The following CACNA1B variants were observed in gnomAD, a reference collection of about 807,000 sequenced individuals.
CACNA1B encodes voltage-dependent N-type calcium channel subunit alpha-1B.
In CACNA1B, 70 loss-of-function variants were observed where a neutral mutation model predicts 247.2. The ratio of observed to expected loss-of-function variants is 0.28; its 90% CI spans 0.23 to 0.35. CACNA1B has a LOEUF of 0.35. Ranked by LOEUF, CACNA1B falls within the 10% of genes least tolerant of loss-of-function variation. The pLI, the probability that CACNA1B is intolerant of heterozygous loss-of-function variation, is 1.00. For synonymous variants in CACNA1B, 1,231 were observed against 1,294.4 expected, an observed-to-expected ratio of 0.95 and a Z score of 1.05; for missense variants, 2,367 against 3,197.4, an observed-to-expected ratio of 0.74 and a Z score of 6.26.
chr9:137,885,097 G>A lies in CACNA1B; in HGVS notation c.530+2214G>A, dbSNP rs146411797. Among the ~76,000 whole-genome samples the A allele has an allele frequency of 3.1e-3, 466 of 148,236 alleles. 3 individuals are homozygous for A. Among genetic ancestry groups the A allele is most frequent in the African/African-American group, 0.011 (445 of 40,110 alleles). ...CCCCTCTTTCCCTTGGCTTGGGCAC[G>A]TCTCTGCTCGCCTGTGTCTGCAGCA... On this transcript the variant is annotated intron_variant, in intron 3 of 46. Coordinates refer to ENST00000371372, the MANE Select transcript of CACNA1B (RefSeq NM_000718.4).
chr9:137,952,206 G>A lies in CACNA1B; in HGVS notation c.967-68G>A. On this transcript the variant is annotated intron_variant, in intron 6 of 46. Transcript: ENST00000371372. The surrounding 1 kb of genome is among the most constrained non-coding windows in gnomAD (Gnocchi z 4.8). The stretch of plus-strand genomic sequence containing the variant: ...TGAGAAGGAGGCCTGTTGGGGGCTG[G>A]GGGTGCTCCTGTGGCCGGGACTGTG... 4.0e-6 allele frequency: 5 copies of A among 1,260,420 alleles called. No individual in the cohort carries two copies. The highest frequency in any genetic ancestry group is 5.8e-6 in the Non-Finnish European group (5 of 862,048). 78.1% of individuals were successfully genotyped at this position (1,260,420 alleles called of 1,614,324 possible). A position where few individuals can be genotyped will look rare whatever the true frequency, so the allele number is the denominator to read the frequency against.
In CACNA1B at chr9:138,099,547, TTGTG is replaced by T. The variant is rs545249353; in HGVS notation, c.5222+2943_5222+2946del. On this transcript the variant is annotated intron_variant, in intron 37 of 46. Transcript: ENST00000371372. The stretch of plus-strand genomic sequence containing the variant: ...CACGTGCCTGTGTGTGCATGTGCCT[TTGTG>T]TGTGTGCCACCGTGGTGCGTATGTG... 1.4e-4 allele frequency among the ~76,000 whole-genome samples: 21 copies of T among 148,754 alleles called. No homozygotes were observed. In the East Asian group the frequency reaches 3.4e-3, roughly 24 times the overall value.
At position 138,023,604 on chromosome 9, in the gene CACNA1B, GGC is replaced by G. The variant is rs1167399054; in HGVS notation, c.2869_2870del (p.Arg957AlafsTer50). 1 of 1,116,720 alleles carries G rather than the reference GGC, an allele frequency of 9.0e-7. No homozygotes were observed. The highest frequency in any genetic ancestry group is 1.1e-6 in the Non-Finnish European group (1 of 912,412). 69.2% of individuals were successfully genotyped at this position (1,116,720 alleles called of 1,614,324 possible). On this transcript the variant is annotated frameshift_variant, in exon 19 of 47. Transcript: ENST00000371372. LOFTEE classifies it high-confidence loss of function. ...GAGTGCGCCGGCGCCAAGGGCGAGC[GGC>G]GCGCGCGGCACCGCGGCGGCCCCCG...
At chr9:138,090,396 A>C (rs1960835925) in intron 36 of CACNA1B, among the ~76,000 whole-genome samples, 1 of 152,138 alleles carries the variant, frequency 6.6e-6, no homozygotes, top group South Asian at 2.1e-4. Flanking sequence ...TATTTACAAA[A>C]GCCAACTCAA....
At chr9:138,077,567 G>A (rs978954720) in intron 35 of CACNA1B, among the ~76,000 whole-genome samples, 4 of 152,236 alleles carry the variant, frequency 2.6e-5, no homozygotes, top group African/African-American at 9.6e-5. Context: ...TAGTGGACCT[G>A]CTTCCTGCCG....
intron 21 of CACNA1B, among the ~76,000 whole-genome samples, chr9:138,044,155 G>A (rs541194271): frequency 1.3e-5 from 2 of 152,366 alleles, no homozygotes; most frequent in South Asian, 4.1e-4. Context: ...TGGTGTGCGT[G>A]TGTCTCTGCA....
intron 3 of CACNA1B, among the ~76,000 whole-genome samples, chr9:137,909,319 A>G (rs1957334887): frequency 6.6e-6 from 1 of 152,012 alleles, no homozygotes; most frequent in Non-Finnish European, 1.5e-5. Flanking sequence ...TATTGCCCCA[A>G]ACAGAAACTT....
At chr9:137,892,144 G>C in intron 3 of CACNA1B, 1 of 456,956 alleles carries the variant, frequency 2.2e-6, no homozygotes, top group Non-Finnish European at 4.4e-6. Context: ...AGCCTCTACT[G>C]ACAGGCTCAT....
In CACNA1B at chr9:137,906,440, G is replaced by A. The variant is rs1001639425; in HGVS notation, c.531-6740G>A. 2.0e-5 allele frequency among the ~76,000 whole-genome samples: 3 copies of A among 152,324 alleles called. No homozygotes were observed. The South Asian group carries it at 6.2e-4, about 32-fold the overall frequency. Reference sequence around the variant, plus strand: ...GAGCTGTTCACTGTCTGGGTCATCTGTGTTTCCAGTCTCGGTCTTGCTGAC... The same window carrying A: ...GAGCTGTTCACTGTCTGGGTCATCTATGTTTCCAGTCTCGGTCTTGCTGAC... On this transcript the variant is annotated intron_variant, in intron 3 of 46. Coordinates refer to ENST00000371372, the MANE Select transcript of CACNA1B (RefSeq NM_000718.4).
chr9:138,088,959 C>CAAAAAAAAAAAAAAAAAAAAAAAAAA (rs56112600), intron 36 of CACNA1B, among the ~76,000 whole-genome samples: 1 of 61,396 alleles, frequency 1.6e-5, no homozygotes, highest in Non-Finnish European at 3.4e-5. Context: ...AACTCCGTCT[C>CAAAAAAAAAAAAAAAAAAAAAAAAAA]AAAAAAAAAA....
At chr9:138,077,132 G>GC (rs1271073054) in intron 35 of CACNA1B, among the ~76,000 whole-genome samples, 2 of 152,164 alleles carry the variant, frequency 1.3e-5, no homozygotes, top group Non-Finnish European at 2.9e-5. Flanking sequence ...TATCAGTCAG[G>GC]CCCAGCACAG....
chr9:138,002,962 A>C (rs1449233034), intron 15 of CACNA1B, among the ~76,000 whole-genome samples: 3 of 151,658 alleles, frequency 2.0e-5, no homozygotes, highest in Non-Finnish European at 4.4e-5. Context: ...CACCATGCCC[A>C]GCTAATTTTT....
rs371615767 is a variant in CACNA1B at position 138,065,071 on chromosome 9, C to A, written c.4669-4687C>A. Among the ~76,000 whole-genome samples the A allele has an allele frequency of 1.2e-4, 19 of 152,342 alleles. No individual in the cohort carries two copies. The South Asian group carries it at 3.9e-3, about 32-fold the overall frequency. Reference sequence around the variant, plus strand: ...AATGTGGGCTATGAGGTTTTCCAAGCTCCTGGGAGTCATCCCAGCAGCCTG... The same window carrying A: ...AATGTGGGCTATGAGGTTTTCCAAGATCCTGGGAGTCATCCCAGCAGCCTG... On this transcript the variant is annotated intron_variant, in intron 31 of 46. Coordinates refer to ENST00000371372, the MANE Select transcript of CACNA1B (RefSeq NM_000718.4).
chr9:137,956,897 C>G, intron 9 of CACNA1B, 70 bp downstream of exon 9: 1 of 1,289,268 alleles, frequency 7.8e-7, no homozygotes, highest in Non-Finnish European at 1.1e-6. Flanking sequence ...TGACACGTGC[C>G]TGCTTGCATG....
In CACNA1B at chr9:138,087,421, A is replaced by G. The variant is rs139911742; in HGVS notation, c.5095-9063A>G. The stretch of plus-strand genomic sequence containing the variant: ...AAAAAAAAGAAAAAGAAAAAAAAGA[A>G]AAGAGAAAAAGAAGCCTGGGCACAG... On this transcript the variant is annotated intron_variant, in intron 36 of 46. Coordinates refer to ENST00000371372, the MANE Select transcript of CACNA1B (RefSeq NM_000718.4). Among the ~76,000 whole-genome samples the G allele has an allele frequency of 7.2e-3, 1,048 of 145,790 alleles. 48 individuals carry two copies. The highest frequency in any genetic ancestry group is 0.026 in the African/African-American group (994 of 38,918).
At chr9:138,047,355 G>C (rs201420647) in intron 22 of CACNA1B, 44 bp from the exon 23 acceptor site, 4 of 1,496,274 alleles carry the variant, frequency 2.7e-6, no homozygotes. Context: ...CCCTGGCTCA[G>C]ATTTCAGCCC....
intron 15 of CACNA1B, among the ~76,000 whole-genome samples, chr9:138,006,427 CT>C (rs1321910208): frequency 2.6e-5 from 4 of 152,328 alleles, no homozygotes; most frequent in Admixed American, 2.6e-4. Context: ...GTGGATGGCG[CT>C]GTTTCGTCTC....
chr9:138,080,072 C>T (rs1960474073), intron 36 of CACNA1B, among the ~76,000 whole-genome samples: 1 of 152,168 alleles, frequency 6.6e-6, no homozygotes, highest in South Asian at 2.1e-4. Flanking sequence ...ACACCTCAAG[C>T]CTGTGGCCCT....
Position 137,955,901 on chromosome 9 carries a change from C to T in CACNA1B, c.1186+88C>T. On this transcript the variant is annotated intron_variant, in intron 8 of 46. Transcript: ENST00000371372. The surrounding 1 kb of genome is among the most constrained non-coding windows in gnomAD (Gnocchi z 6.9). ...CTGCTCTGCTGCCAGCTGGGGTGCC[C>T]TGGCTGCTGGGTAGAGCCTGAAGGG... 4.6e-6 allele frequency: 4 copies of T among 877,192 alleles called. No individual in the cohort carries two copies. Among genetic ancestry groups the T allele is most frequent in the Admixed American group, 2.1e-5 (1 of 48,540 alleles). The allele number at this position is 877,192 out of a possible 1,614,324, so 54.3% of individuals were successfully genotyped here.
Sources: gnomAD v4.1 joint callset for allele counts (sites outside exome capture counted in the v4.1 genomes callset) on GRCh38, gnomAD v4.1.1 for gene constraint, Gnocchi (gnomAD v3.1) non-coding constraint, MANE v1.5 for transcripts, NCBI Gene and HGNC (gene_info 2026-07-23, HGNC 2026-07-21) for gene names.